RTN4: variants seen among roughly 807,000 people sequenced by gnomAD.
RTN4 encodes the protein reticulon-4.
RTN4 carries 32 observed loss-of-function variants against 90.4 expected under a neutral mutation model. The observed-to-expected ratio is 0.35, with a 90% confidence interval of 0.27 to 0.48. The LOEUF (loss-of-function observed/expected upper bound fraction) is 0.48, where lower values mean the gene tolerates loss of function less well. RTN4 is among the 20% of genes least tolerant of loss of function. The pLI, the probability that RTN4 is intolerant of heterozygous loss-of-function variation, is 0.99. For missense variants in RTN4, 1,706 were observed against 1,430.2 expected (o/e 1.19, Z -3.11); for synonymous variants, 629 against 552.5 (o/e 1.14, Z -1.94).
intron 1 of RTN4, among the ~76,000 whole-genome samples, chr2:55,033,050 TAA>T (rs141554598): frequency 1.5e-4 from 19 of 125,706 alleles, no homozygotes; most frequent in Admixed American, 2.4e-4. Flanking sequence ...CTGAAGAAGT[TAA>T]AAAAAAAAAA....
upstream of RTN4, among the ~76,000 whole-genome samples, chr2:55,055,005 G>A (rs1668164100): frequency 6.6e-6 from 1 of 152,028 alleles, no homozygotes. Context: ...GTTAAGCATT[G>A]ACAGTTAGTG....
intron 1 of RTN4, among the ~76,000 whole-genome samples, chr2:55,047,948 T>C (rs973630511): frequency 6.6e-6 from 1 of 152,156 alleles, no homozygotes; most frequent in Non-Finnish European, 1.5e-5. Flanking sequence ...GGGAACAGGA[T>C]CTGAGAAATG....
At chr2:55,045,808 A>G (rs1485097402) in intron 1 of RTN4, among the ~76,000 whole-genome samples, 1 of 152,186 alleles carries the variant, frequency 6.6e-6, no homozygotes, top group Non-Finnish European at 1.5e-5. Context: ...TTCGGTCTTA[A>G]TTAACCTTGG....
At chr2:54,998,661 T>A (rs189476109) in intron 3 of RTN4, among the ~76,000 whole-genome samples, 2 of 152,312 alleles carry the variant, frequency 1.3e-5, no homozygotes, top group Admixed American at 1.3e-4. Flanking sequence ...TATATTCCCA[T>A]TACCTACATC....
chr2:55,007,692 G>T (rs544223001), intron 3 of RTN4, among the ~76,000 whole-genome samples: 5 of 152,074 alleles, frequency 3.3e-5, no homozygotes, highest in African/African-American at 9.6e-5. Context: ...AATCTGATTT[G>T]GTAGGTCACG....
At chr2:55,103,170 G>T (rs977735127) in intron 1 of RTN4, among the ~76,000 whole-genome samples, 1 of 150,336 alleles carries the variant, frequency 6.7e-6, no homozygotes, top group African/African-American at 2.4e-5. Flanking sequence ...AAGAAACAAT[G>T]AGTTTTAAAA....
intron 2 of RTN4, among the ~76,000 whole-genome samples, chr2:55,067,083 A>C (rs1668406340): frequency 6.6e-6 from 1 of 152,248 alleles, no homozygotes; most frequent in African/African-American, 2.4e-5. Context: ...TATTTCTAAT[A>C]GTTTCTGAAC....
chr2:55,063,706 C>A (rs1217003829), intron 2 of RTN4, among the ~76,000 whole-genome samples: 1 of 151,806 alleles, frequency 6.6e-6, no homozygotes, highest in Non-Finnish European at 1.5e-5. Context: ...CATGGTAAAA[C>A]CCCGTCTCCA....
At chr2:55,106,631 T>G (rs182774415) in intron 1 of RTN4, among the ~76,000 whole-genome samples, 13 of 152,228 alleles carry the variant, frequency 8.5e-5, no homozygotes, top group Admixed American at 7.2e-4. Context: ...GTGATTCTCC[T>G]GCCTCAGCCT....
upstream of RTN4, among the ~76,000 whole-genome samples, chr2:55,055,662 C>A (rs1042601699): frequency 6.6e-6 from 1 of 151,190 alleles, no homozygotes; most frequent in Non-Finnish European, 1.5e-5. Flanking sequence ...CCCAGCTACT[C>A]GGGAGGCTGA....
chr2:55,118,341 T>C, the RTN4 span, among the ~76,000 whole-genome samples: 1 of 152,116 alleles, frequency 6.6e-6, no homozygotes, highest in East Asian at 1.9e-4. Flanking sequence ...GGTGTGCCCC[T>C]GTAATTCCAG....
In RTN4 at chr2:55,011,952, G is replaced by A. The variant is rs910035857; in HGVS notation, c.3013+13134C>T. Among the ~76,000 whole-genome samples the A allele has an allele frequency of 2.0e-5, 3 of 152,258 alleles. No individual in the cohort carries two copies. In the South Asian group the frequency reaches 6.2e-4, roughly 32 times the overall value. The stretch of plus-strand genomic sequence containing the variant: ...AACCCGGTCAGCAAGCCATATCATG[G>A]CCTGAAAATGTCTGGCCTCTCCACG... On this transcript the variant is annotated intron_variant, in intron 3 of 8. Transcript: ENST00000337526.
Position 55,008,009 on chromosome 2 carries a change from C to T in RTN4, c.3013+17077G>A, listed in dbSNP as rs570887259. Among the ~76,000 whole-genome samples, 405 of 152,046 alleles carry T rather than the reference C, an allele frequency of 2.7e-3. 4 individuals carry two copies. Among genetic ancestry groups the T allele is most frequent in the African/African-American group, 9.1e-3 (378 of 41,456 alleles). On this transcript the variant is annotated intron_variant, in intron 3 of 8. Transcript: ENST00000337526. ...AAATTTTCCATATAACCCCAGTAATCGAATACTATGTAAATGTCATTTGTC... is the reference window on the plus strand; with the variant it reads ...AAATTTTCCATATAACCCCAGTAATTGAATACTATGTAAATGTCATTTGTC...
intron 2 of RTN4, among the ~76,000 whole-genome samples, chr2:55,059,361 T>C (rs996556583): frequency 6.6e-6 from 1 of 152,058 alleles, no homozygotes; most frequent in South Asian, 2.1e-4. Context: ...TAATTAATAC[T>C]TTTTTTATTT....
At position 54,982,530 on chromosome 2, in the gene RTN4, T is replaced by C; in HGVS notation, c.3345A>G (p.Leu1115=). Residue 1115 remains leucine, a synonymous_variant, in exon 5 of 9, where the codon TTA becomes TTG. Transcript: ENST00000337526. The part of the protein sequence containing the change: ...ELRRLFLVDD[L]VDSLKFAVLM... ...ATAAACTTACCTTCAGAGAATCAAC[T>C]AAATCATCAACTAAGAAGAGGCGCC... is the stretch of plus-strand genomic sequence containing the variant. 1 of 1,610,662 alleles carries C rather than the reference T, an allele frequency of 6.2e-7. No homozygotes were observed. Among genetic ancestry groups the C allele is most frequent in the East Asian group, 2.2e-5 (1 of 44,804 alleles).
rs183605308 is a variant in RTN4 at position 54,989,767 on chromosome 2, G to C, written c.3014-2069C>G. ...AGGGAAAAACTGGAAGAAATGTTAA[G>C]ACTGTGAAATACTGTAAATGGAAAC... is the stretch of plus-strand genomic sequence containing the variant. On this transcript the variant is annotated intron_variant, in intron 3 of 8. Coordinates refer to ENST00000337526, the MANE Select transcript of RTN4 (RefSeq NM_020532.5). Among the ~76,000 whole-genome samples, 3 of 152,316 alleles carry C rather than the reference G, an allele frequency of 2.0e-5. No individual in the cohort carries two copies. In the East Asian group the frequency reaches 5.8e-4, roughly 29 times the overall value.
At chr2:55,106,341 C>T (rs1223303858) in intron 1 of RTN4, among the ~76,000 whole-genome samples, 1 of 151,968 alleles carries the variant, frequency 6.6e-6, no homozygotes, top group East Asian at 1.9e-4. Context: ...ATAATATAAT[C>T]ATCTGTGCAT....
At chr2:55,033,425 G>C (rs1425228570) in intron 1 of RTN4, among the ~76,000 whole-genome samples, 3 of 152,128 alleles carry the variant, frequency 2.0e-5, no homozygotes, top group African/African-American at 7.2e-5. Flanking sequence ...ATCCATACTT[G>C]CAGCACTTTC....
At chr2:55,093,808 AG>A (rs1377432406) in intron 1 of RTN4, among the ~76,000 whole-genome samples, 1 of 152,238 alleles carries the variant, frequency 6.6e-6, no homozygotes, top group Non-Finnish European at 1.5e-5. Context: ...AGGTCTGGCA[AG>A]GATATAATGC....
Sources: gnomAD v4.1 joint callset for allele counts (sites outside exome capture counted in the v4.1 genomes callset) on GRCh38, gnomAD v4.1.1 for gene constraint, MANE v1.5 for transcripts, NCBI Gene and HGNC (gene_info 2026-07-23, HGNC 2026-07-21) for gene names.